The following LHFPL3 variants were observed in gnomAD, a reference collection of about 807,000 sequenced individuals.
LHFPL3 encodes the protein LHFPL tetraspan subfamily member 3, also known as LHFPL tetraspan subfamily member 3 protein.
LHFPL3 carries 5 observed loss-of-function variants against 19.3 expected under a neutral mutation model. The ratio of observed to expected loss-of-function variants is 0.26; its 90% CI spans 0.14 to 0.54. The LOEUF (loss-of-function observed/expected upper bound fraction) is 0.54, where lower values mean the gene tolerates loss of function less well. Ranked by LOEUF, LHFPL3 falls within the 20% of genes least tolerant of loss-of-function variation. LHFPL3 has a pLI of 0.94. For synonymous variants in LHFPL3, 133 were observed against 126.2 expected (o/e 1.05, Z -0.36); for missense variants, 249 against 307.4 (o/e 0.81, Z 1.42).
At chr7:104,693,132 G>C (rs1292572447) in intron 1 of LHFPL3, among the ~76,000 whole-genome samples, 1 of 152,158 alleles carries the variant, frequency 6.6e-6, no homozygotes, top group Non-Finnish European at 1.5e-5. Flanking sequence ...GATTTGCATG[G>C]GGACTGTAGC....
At chr7:104,776,762 A>G (rs1374612515) in intron 2 of LHFPL3, among the ~76,000 whole-genome samples, 5 of 152,186 alleles carry the variant, frequency 3.3e-5, no homozygotes, top group African/African-American at 1.2e-4. Context: ...TTCCTATTTT[A>G]CAACACGCAG....
intron 1 of LHFPL3, among the ~76,000 whole-genome samples, chr7:104,692,270 A>G (rs1352481401): frequency 1.3e-5 from 2 of 152,250 alleles, no homozygotes; most frequent in African/African-American, 2.4e-5. Flanking sequence ...TGTGATAGAA[A>G]AGAAAAAACC....
At chr7:104,736,327 C>G (rs1435507982) in intron 1 of LHFPL3, among the ~76,000 whole-genome samples, 1 of 152,156 alleles carries the variant, frequency 6.6e-6, no homozygotes, top group Non-Finnish European at 1.5e-5. Context: ...TCCTTATGAC[C>G]TATCTGTAAT....
chr7:104,518,567 T>G (rs1465273996), intron 1 of LHFPL3, among the ~76,000 whole-genome samples: 1 of 152,150 alleles, frequency 6.6e-6, no homozygotes, highest in Non-Finnish European at 1.5e-5. Context: ...GCAGGTCACC[T>G]GAGGTCAGGA....
chr7:104,723,176 C>T (rs547423745), intron 1 of LHFPL3, among the ~76,000 whole-genome samples: 1 of 152,306 alleles, frequency 6.6e-6, no homozygotes, highest in East Asian at 1.9e-4. Context: ...CTCTGGGGAA[C>T]CACTAGCCAT....
intron 1 of LHFPL3, among the ~76,000 whole-genome samples, chr7:104,425,867 G>A (rs1791834480): frequency 6.6e-6 from 1 of 152,130 alleles, no homozygotes. Context: ...TTTTTAGTCT[G>A]TTGCTTATGA....
At chr7:104,839,440 G>A (rs537909134) in intron 2 of LHFPL3, among the ~76,000 whole-genome samples, 1 of 152,260 alleles carries the variant, frequency 6.6e-6, no homozygotes, top group South Asian at 2.1e-4. Context: ...GCCGAGGCAG[G>A]CAGATCACTT....
intron 1 of LHFPL3, among the ~76,000 whole-genome samples, chr7:104,629,075 G>A (rs1791596563): frequency 6.6e-6 from 1 of 152,098 alleles, no homozygotes; most frequent in Non-Finnish European, 1.5e-5. Flanking sequence ...TATTCCTTTT[G>A]TATAACTACA....
intron 1 of LHFPL3, among the ~76,000 whole-genome samples, chr7:104,421,438 A>G (rs1345718372): frequency 1.3e-5 from 2 of 152,156 alleles, no homozygotes; most frequent in East Asian, 3.9e-4. Flanking sequence ...GTATCTGAGA[A>G]TTAGGGAGAT....
At chr7:104,523,596 C>T in intron 1 of LHFPL3, among the ~76,000 whole-genome samples, 1 of 152,122 alleles carries the variant, frequency 6.6e-6, no homozygotes, top group East Asian at 1.9e-4. Flanking sequence ...TCTATCTTCT[C>T]CATAAAAATT....
intron 1 of LHFPL3, among the ~76,000 whole-genome samples, chr7:104,450,040 G>A (rs1437419878): frequency 6.6e-6 from 1 of 152,138 alleles, no homozygotes; most frequent in Non-Finnish European, 1.5e-5. Context: ...AAGAAGGAGA[G>A]CCAGAAGAGA....
intron 1 of LHFPL3, among the ~76,000 whole-genome samples, chr7:104,443,257 A>T (rs1792261586): frequency 6.6e-6 from 1 of 152,194 alleles, no homozygotes; most frequent in Non-Finnish European, 1.5e-5. Flanking sequence ...CAATATCAGC[A>T]TCCCTCAGCT....
chr7:104,675,061 A>T (rs1302668750), intron 1 of LHFPL3, among the ~76,000 whole-genome samples: 1 of 152,352 alleles, frequency 6.6e-6, no homozygotes, highest in East Asian at 1.9e-4. Flanking sequence ...GCAAATTCTT[A>T]AAGTAAGTAA....
At chr7:104,387,794 A>AT (rs890333023) in intron 1 of LHFPL3, among the ~76,000 whole-genome samples, 6 of 152,134 alleles carry the variant, frequency 3.9e-5, no homozygotes, top group East Asian at 3.9e-4. Context: ...ACAAAGAGAA[A>AT]TTTTTTTTAA....
At chr7:104,427,606 C>T (rs139391284) in intron 1 of LHFPL3, among the ~76,000 whole-genome samples, 370 of 152,242 alleles carry the variant, frequency 2.4e-3, no homozygotes, top group South Asian at 4.8e-3. Flanking sequence ...TTTCTACTAT[C>T]GGTCTTTGTA....
chr7:104,583,699 A>G (rs113074158), intron 1 of LHFPL3, among the ~76,000 whole-genome samples: 20,502 of 152,140 alleles, frequency 0.13, 1,445 homozygotes, highest in Non-Finnish European at 0.15. Context: ...CAAAAAACAC[A>G]TGAAAAAATG....
chr7:104,600,302 A>G (rs532099805), intron 1 of LHFPL3, among the ~76,000 whole-genome samples: 3 of 152,294 alleles, frequency 2.0e-5, no homozygotes, highest in Non-Finnish European at 4.4e-5. Flanking sequence ...TTTCCATTCT[A>G]CATTTATTGA....
chr7:104,392,477 C>A (rs1791094497), intron 1 of LHFPL3, among the ~76,000 whole-genome samples: 1 of 151,312 alleles, frequency 6.6e-6, no homozygotes, highest in African/African-American at 2.4e-5. Context: ...TGTTTATATG[C>A]TGGATTACAT....
At chr7:104,473,185 G>C (rs1792944355) in intron 1 of LHFPL3, among the ~76,000 whole-genome samples, 1 of 152,152 alleles carries the variant, frequency 6.6e-6, no homozygotes, top group Non-Finnish European at 1.5e-5. Context: ...ACAGCTACCA[G>C]AACCCTGTAG....
Sources: gnomAD v4.1 joint callset for allele counts (sites outside exome capture counted in the v4.1 genomes callset) on GRCh38, gnomAD v4.1.1 for gene constraint, MANE v1.5 for transcripts, NCBI Gene and HGNC (gene_info 2026-07-23, HGNC 2026-07-21) for gene names.